The following SLC32A1 variants were observed in gnomAD, a reference collection of about 807,000 sequenced individuals.
The protein encoded by SLC32A1 is solute carrier family 32 member 1, also known as vesicular inhibitory amino acid transporter.
SLC32A1 carries 8 observed loss-of-function variants against 35.5 expected under a neutral mutation model. The observed-to-expected ratio is 0.23, with a 90% confidence interval of 0.13 to 0.41. The LOEUF is 0.41. Among genes scored for constraint, SLC32A1 ranks in the 10% least tolerant of loss-of-function variants. The pLI is 1.00. For missense variants in SLC32A1, 493 were observed against 722.3 expected (o/e 0.68, Z 3.64); for synonymous variants, 317 against 326.3 (o/e 0.97, Z 0.31).
intron 1 of SLC32A1, 64 bp from the exon 2 acceptor site, chr20:38,727,388 C>T: frequency 6.7e-7 from 1 of 1,499,562 alleles, no homozygotes. Flanking sequence ...CCACGCCCCC[C>T]GGGCCCCTCA....
rs752310190 is a variant in SLC32A1 at position 38,728,656 on chromosome 20, C to G, written c.*17C>G. On this transcript the variant is annotated 3_prime_UTR_variant, in exon 2 of 2. Coordinates refer to ENST00000217420, the MANE Select transcript of SLC32A1 (RefSeq NM_080552.3). Reference sequence around the variant, plus strand: ...GAGGACTAGGGCGCAAGGGCGAGCCCCCGCCGCGCTTCTGCGCTCTCTCCC... The same window carrying G: ...GAGGACTAGGGCGCAAGGGCGAGCCGCCGCCGCGCTTCTGCGCTCTCTCCC... The G allele has an allele frequency of 3.8e-6, 6 of 1,569,630 alleles. No homozygotes were observed. The highest frequency in any genetic ancestry group is 2.6e-6 in the Non-Finnish European group (3 of 1,157,308).
Position 38,724,778 on chromosome 20 carries a change from C to G in SLC32A1, c.54C>G (p.Asn18Lys), listed in dbSNP as rs894838964. The G allele has an allele frequency of 3.7e-6, 6 of 1,613,726 alleles. No individual in the cohort carries two copies. The African/African-American group carries it at 8.0e-5, about 22-fold the overall frequency. ...KLSNVATSVS[N>K]KSQAKMSGMF... ...CCAACGTGGCCACGTCCGTGTCCAACAAGTCCCAGGCCAAGATGAGCGGCA... is the reference window on the plus strand; with the variant it reads ...CCAACGTGGCCACGTCCGTGTCCAAGAAGTCCCAGGCCAAGATGAGCGGCA... Residue 18 changes from asparagine (N) to lysine (K), a missense_variant, in exon 1 of 2, where the codon AAC becomes AAG. Physicochemically the swap from Asn to Lys is moderately conservative, Grantham distance 94 (BLOSUM62 0). This residue lies in a region of SLC32A1 where 133 missense variants were observed against 145.9 expected (regional missense o/e 0.91). Coordinates refer to ENST00000217420, the MANE Select transcript of SLC32A1 (RefSeq NM_080552.3).
Position 38,728,928 on chromosome 20 carries a change from A to G in SLC32A1, c.*289A>G. 2.8e-6 allele frequency: 1 copy of G among 357,780 alleles called. No homozygotes were observed. The highest frequency in any genetic ancestry group is 5.1e-6 in the Non-Finnish European group (1 of 197,670). The allele number at this position is 357,780 out of a possible 1,614,324, so 22.2% of individuals were successfully genotyped here. ...CTCTGTCCTTCCAAGTGGGGCCCCG[A>G]CACTTTGGTTCCAGTCATCGAGGGG... On this transcript the variant is annotated 3_prime_UTR_variant, in exon 2 of 2. Coordinates refer to ENST00000217420, the MANE Select transcript of SLC32A1 (RefSeq NM_080552.3).
chr20:38,726,256 G>A lies in SLC32A1; in HGVS notation c.390+1142G>A, dbSNP rs557205503. ...CTATCACTGGGGCCACGGAAGGCAGGTTTTCTGGGAGCAGAGGCCTCCCAG... is the reference window on the plus strand; with the variant it reads ...CTATCACTGGGGCCACGGAAGGCAGATTTTCTGGGAGCAGAGGCCTCCCAG... On this transcript the variant is annotated intron_variant, in intron 1 of 1. Transcript: ENST00000217420. The surrounding 1 kb of genome is among the most constrained non-coding windows in gnomAD (Gnocchi z 4.7). 6.6e-6 allele frequency among the ~76,000 whole-genome samples: 1 copy of A among 152,348 alleles called. No individual in the cohort carries two copies. Among genetic ancestry groups the A allele is most frequent in the Admixed American group, 6.5e-5 (1 of 15,312 alleles).
Position 38,728,946 on chromosome 20 carries a change from T to G in SLC32A1, c.*307T>G. ...GGCCCCGACACTTTGGTTCCAGTCA[T>G]CGAGGGGGTTGGGAAGGGAGGGAGA... On this transcript the variant is annotated 3_prime_UTR_variant, in exon 2 of 2. Coordinates refer to ENST00000217420, the MANE Select transcript of SLC32A1 (RefSeq NM_080552.3). 52 of 282,262 alleles carry G rather than the reference T, an allele frequency of 1.8e-4. No homozygotes were observed. Among genetic ancestry groups the G allele is most frequent in the Middle Eastern group, 1.1e-3 (1 of 944 alleles). The allele number at this position is 282,262 out of a possible 1,614,324, so 17.5% of individuals were successfully genotyped here.
At position 38,728,178 on chromosome 20, in the gene SLC32A1, A is replaced by T. The variant is rs1307602980; in HGVS notation, c.1117A>T (p.Asn373Tyr). The T allele has an allele frequency of 6.2e-7, 1 of 1,614,142 alleles. No individual in the cohort carries two copies. The highest frequency in any genetic ancestry group is 1.1e-5 in the South Asian group (1 of 91,074). The change falls in exon 2 of 2, where the codon AAC becomes TAC. Residue 373 changes from asparagine (N) to tyrosine (Y), a missense_variant. Physicochemically the swap from Asn to Tyr is moderately radical, Grantham distance 143. Coordinates refer to ENST00000217420, the MANE Select transcript of SLC32A1 (RefSeq NM_080552.3). Reference sequence around the variant, plus strand: ...CGAGACCAAGGAGGTCATCACGGATAACCTGCCCGGCTCCATCCGCGCCGT... The same window carrying T: ...CGAGACCAAGGAGGTCATCACGGATTACCTGCCCGGCTCCATCCGCGCCGT... ...ADETKEVITDNLPGSIRAVVN... is the reference protein window; with the variant it reads ...ADETKEVITDYLPGSIRAVVN...
rs200264690 is a variant in SLC32A1 at position 38,727,793 on chromosome 20, C to T, written c.732C>T (p.Ser244=). The T allele has an allele frequency of 8.7e-6, 14 of 1,614,192 alleles. No individual in the cohort carries two copies. The highest frequency in any genetic ancestry group is 1.2e-5 in the Non-Finnish European group (14 of 1,180,038). Residue 244 remains serine, a synonymous_variant, in exon 2 of 2, where the codon TCC becomes TCT. Transcript: ENST00000217420. The stretch of plus-strand genomic sequence containing the variant: ...TGCCCGTGTCGCAGAAGTCCTGGTC[C>T]ATTATCGCCACGGCCGTGCTGCTGC... The part of the protein sequence containing the change: ...PGLPVSQKSW[S]IIATAVLLPC...
rs957549868 is a variant in SLC32A1, at chr20:38,726,332, C to G, written c.391-1120C>G. Among the ~76,000 whole-genome samples, 3 of 152,186 alleles carry G rather than the reference C, an allele frequency of 2.0e-5. No individual in the cohort carries two copies. The highest frequency in any genetic ancestry group is 7.2e-5 in the African/African-American group (3 of 41,446). On this transcript the variant is annotated intron_variant, in intron 1 of 1. Coordinates refer to ENST00000217420, the MANE Select transcript of SLC32A1 (RefSeq NM_080552.3). This position sits in a 1 kb window ranked among gnomAD's most constrained non-coding sequence, Gnocchi z 4.7. The stretch of plus-strand genomic sequence containing the variant: ...CAGGACTCCACCGGGCCCCGAACAC[C>G]AGATGGCCCGACCCAAGGCGCTTTC...
intron 1 of SLC32A1, among the ~76,000 whole-genome samples, 179 bp from the exon 2 acceptor site, chr20:38,727,273 A>G (rs2084279838): frequency 6.6e-6 from 1 of 151,802 alleles, no homozygotes; most frequent in Non-Finnish European, 1.5e-5. Context: ...GCTCACTATT[A>G]GTTCCCCTAC....
In SLC32A1 at chr20:38,725,129, C is replaced by T; in HGVS notation, c.390+15C>T. The T allele has an allele frequency of 6.6e-7, 1 of 1,507,006 alleles. No individual in the cohort carries two copies. The allele number at this position is 1,507,006 out of a possible 1,614,324, so 93.4% of individuals were successfully genotyped here. A position where few individuals can be genotyped will look rare whatever the true frequency, so the allele number is the denominator to read the frequency against. Reference sequence around the variant, plus strand: ...ACGCCATCCAGGTAAGCGCGGGATTCCCAGTTCTGCCTGTCCTCCCCCCTC... The same window carrying T: ...ACGCCATCCAGGTAAGCGCGGGATTTCCAGTTCTGCCTGTCCTCCCCCCTC... On this transcript the variant is annotated intron_variant, in intron 1 of 1. Transcript: ENST00000217420.
At position 38,729,074 on chromosome 20, in the gene SLC32A1, T is replaced by G; in HGVS notation, c.*435T>G. On this transcript the variant is annotated 3_prime_UTR_variant, in exon 2 of 2. Transcript: ENST00000217420. ...GTCCAGCCATTTCCAGCAAGAGCGC[T>G]TCCCATTCCGGAGACGTTTCAACCC... 6.3e-6 allele frequency: 1 copy of G among 159,702 alleles called. No individual in the cohort carries two copies. Among genetic ancestry groups the G allele is most frequent in the Non-Finnish European group, 1.4e-5 (1 of 73,156 alleles). 9.9% of individuals were successfully genotyped at this position (159,702 alleles called of 1,614,324 possible).
In SLC32A1 at chr20:38,728,798, A is replaced by G; in HGVS notation, c.*159A>G. On this transcript the variant is annotated 3_prime_UTR_variant, in exon 2 of 2. Coordinates refer to ENST00000217420, the MANE Select transcript of SLC32A1 (RefSeq NM_080552.3). ...ATTATTCGGGGATGGGGGGGATGGG[A>G]GGGGACAGGGATTCACGATCCATCG... 8.8e-6 allele frequency: 3 copies of G among 341,598 alleles called. No homozygotes were observed. The highest frequency in any genetic ancestry group is 2.3e-5 in the South Asian group (1 of 44,150). 21.2% of individuals were successfully genotyped at this position (341,598 alleles called of 1,614,324 possible).
At position 38,727,772 on chromosome 20, in the gene SLC32A1, C is replaced by G. The variant is rs770350121; in HGVS notation, c.711C>G (p.Pro237=). ...NLMYNSFPGL[P]VSQKSWSIIA... ...TGTACAACAGCTTCCCGGGGCTGCC[C>G]GTGTCGCAGAAGTCCTGGTCCATTA... Residue 237 remains proline, a synonymous_variant, in exon 2 of 2, where the codon CCC becomes CCG. Transcript: ENST00000217420. 2 of 1,614,200 alleles carry G rather than the reference C, an allele frequency of 1.2e-6. No individual in the cohort carries two copies. The highest frequency in any genetic ancestry group is 1.7e-6 in the Non-Finnish European group (2 of 1,180,050).
chr20:38,727,872 A>G lies in SLC32A1; in HGVS notation c.811A>G (p.Thr271Ala), dbSNP rs752695840. 62 of 1,613,894 alleles carry G rather than the reference A, an allele frequency of 3.8e-5. No individual in the cohort carries two copies. Among genetic ancestry groups the G allele is most frequent in the Non-Finnish European group, 5.1e-5 (60 of 1,179,976 alleles). ...KAVSKFSLLC[T>A]LAHFVINILV... ...CGTGTCCAAGTTCAGTCTGCTGTGC[A>G]CTCTGGCCCACTTCGTCATCAATAT... is the stretch of plus-strand genomic sequence containing the variant. The change falls in exon 2 of 2, where the codon ACT becomes GCT. Residue 271 changes from threonine (T) to alanine (A), a missense_variant. Coordinates refer to ENST00000217420, the MANE Select transcript of SLC32A1 (RefSeq NM_080552.3).
chr20:38,728,461 G>T lies in SLC32A1; in HGVS notation c.1400G>T (p.Gly467Val). 1 of 1,612,556 alleles carries T rather than the reference G, an allele frequency of 6.2e-7. No homozygotes were observed. The part of the protein sequence containing the change: ...MGLTGSLTGA[G>V]LCFLLPSLFH... ...CTCACCGGCAGCCTCACGGGCGCCGGCCTCTGTTTCTTGCTGCCCAGCCTC... is the reference window on the plus strand; with the variant it reads ...CTCACCGGCAGCCTCACGGGCGCCGTCCTCTGTTTCTTGCTGCCCAGCCTC... The change falls in exon 2 of 2, where the codon GGC becomes GTC. Residue 467 changes from glycine (G) to valine (V), a missense_variant. Physicochemically the swap from Gly to Val is moderately radical, Grantham distance 109. Around this residue, in one of 4 missense-constraint regions of SLC32A1, gnomAD observed 269 missense variants for 445.6 expected, o/e 0.60. Coordinates refer to ENST00000217420, the MANE Select transcript of SLC32A1 (RefSeq NM_080552.3).
rs2084285477 is a variant in SLC32A1 at position 38,728,202 on chromosome 20, G to A, written c.1141G>A (p.Val381Met). The A allele has an allele frequency of 1.2e-6, 2 of 1,614,068 alleles. No homozygotes were observed. Among genetic ancestry groups the A allele is most frequent in the Non-Finnish European group, 1.7e-6 (2 of 1,180,042 alleles). The stretch of plus-strand genomic sequence containing the variant: ...TAACCTGCCCGGCTCCATCCGCGCC[G>A]TGGTCAACATCTTTCTGGTGGCCAA... ...TDNLPGSIRA[V>M]VNIFLVAKAL... The change falls in exon 2 of 2, where the codon GTG (valine) becomes ATG (methionine). Residue 381 changes from valine to methionine, a missense_variant. Physicochemically the swap from Val to Met is conservative, Grantham distance 21. This residue lies in a region of SLC32A1 where 269 missense variants were observed against 445.6 expected (regional missense o/e 0.60). Coordinates refer to ENST00000217420, the MANE Select transcript of SLC32A1 (RefSeq NM_080552.3).
At position 38,727,532 on chromosome 20, in the gene SLC32A1, T is replaced by C; in HGVS notation, c.471T>C (p.Val157=). The C allele has an allele frequency of 6.2e-7, 1 of 1,609,394 alleles. No homozygotes were observed. The change falls in exon 2 of 2, where the codon GTT becomes GTC. Residue 157 remains valine, a synonymous_variant. Coordinates refer to ENST00000217420, the MANE Select transcript of SLC32A1 (RefSeq NM_080552.3). ...LGLFLIIFAA[V]VCCYTGKILI... ...TGTTTCTCATCATCTTCGCCGCCGTTGTGTGCTGCTACACCGGCAAGATCC... is the reference window on the plus strand; with the variant it reads ...TGTTTCTCATCATCTTCGCCGCCGTCGTGTGCTGCTACACCGGCAAGATCC...
In SLC32A1 at chr20:38,728,277, G is replaced by C; in HGVS notation, c.1216G>C (p.Glu406Gln). Residue 406 changes from glutamate (E) to glutamine (Q), a missense_variant, in exon 2 of 2, where the codon GAG becomes CAG. By Grantham distance (29) the Glu-to-Gln change is conservative. Transcript: ENST00000217420. ...LPFFAAVEVLEKSLFQEGSRA... is the reference protein window; with the variant it reads ...LPFFAAVEVLQKSLFQEGSRA... Reference sequence around the variant, plus strand: ...ATTCTTTGCCGCTGTCGAGGTGCTGGAGAAGTCGCTCTTCCAGGAAGGCAG... The same window carrying C: ...ATTCTTTGCCGCTGTCGAGGTGCTGCAGAAGTCGCTCTTCCAGGAAGGCAG... The C allele has an allele frequency of 6.2e-7, 1 of 1,613,734 alleles. No homozygotes were observed. Among genetic ancestry groups the C allele is most frequent in the Non-Finnish European group, 8.5e-7 (1 of 1,179,708 alleles).
rs922816308 is a variant in SLC32A1, at chr20:38,728,159, C to G, written c.1098C>G (p.Thr366=). Residue 366 remains threonine (T), a synonymous_variant, in exon 2 of 2, where the codon ACC becomes ACG. Transcript: ENST00000217420. ...LVAYLTWADE[T]KEVITDNLPG... ...CCTACCTCACCTGGGCCGACGAGAC[C>G]AAGGAGGTCATCACGGATAACCTGC... The G allele has an allele frequency of 1.2e-6, 2 of 1,614,022 alleles. No individual in the cohort carries two copies. The highest frequency in any genetic ancestry group is 1.7e-5 in the Admixed American group (1 of 60,006).
Sources: allele counts gnomAD v4.1 joint callset (sites outside exome capture counted in the v4.1 genomes callset), GRCh38; gene constraint gnomAD v4.1.1; regional missense constraint gnomAD v4.1.1; non-coding constraint Gnocchi (gnomAD v3.1); transcripts MANE v1.5; gene names NCBI Gene and HGNC (gene_info 2026-07-23, HGNC 2026-07-21).